Variants in RARB observed in about 807,000 individuals in gnomAD.
The protein encoded by RARB is HBV-activated protein.
A neutral mutation model predicts 51.9 loss-of-function variants in RARB; 17 were observed. That is an observed-to-expected ratio of 0.33 (90% CI 0.22 to 0.49). The LOEUF (loss-of-function observed/expected upper bound fraction) is 0.49, where lower values mean the gene tolerates loss of function less well. Among genes scored for constraint, RARB ranks in the 20% least tolerant of loss-of-function variants. The pLI, the probability that RARB is intolerant of heterozygous loss-of-function variation, is 0.99. For missense variants in RARB, 369 were observed against 550.8 expected (o/e 0.67, Z 3.30); for synonymous variants, 215 against 195.4 (o/e 1.10, Z -0.84).
chr3:25,528,681 G>A (rs961254792), intron 3 of RARB, among the ~76,000 whole-genome samples: 3 of 151,940 alleles, frequency 2.0e-5, no homozygotes, highest in African/African-American at 7.3e-5. Context: ...TCCTCTCAAG[G>A]GGCTTCCATG....
intron 5 of RARB, among the ~76,000 whole-genome samples, chr3:25,277,538 G>C (rs1252846995): frequency 1.3e-5 from 2 of 152,200 alleles, no homozygotes; most frequent in African/African-American, 2.4e-5. Context: ...CATGGGCCTA[G>C]AGTAAAATGA....
intron 1 of RARB, among the ~76,000 whole-genome samples, chr3:25,446,635 C>G (rs148327241): frequency 4.0e-5 from 6 of 151,770 alleles, no homozygotes; most frequent in Non-Finnish European, 2.9e-5. Context: ...AACCCCATCT[C>G]TACTAAAAAT....
intron 3 of RARB, among the ~76,000 whole-genome samples, chr3:25,118,586 T>C (rs1033400635): frequency 4.9e-4 from 75 of 152,196 alleles, no homozygotes; most frequent in African/African-American, 1.8e-3. Flanking sequence ...TTTAAGGTTA[T>C]ATTCCTTGAG....
intron 2 of RARB, among the ~76,000 whole-genome samples, chr3:25,463,208 A>T (rs1695271183): frequency 6.6e-6 from 1 of 152,112 alleles, no homozygotes; most frequent in Admixed American, 6.5e-5. Flanking sequence ...CTTCAAAGTA[A>T]TAAGTGATAT....
chr3:25,258,365 G>C (rs1457973770), intron 5 of RARB, among the ~76,000 whole-genome samples: 1 of 152,164 alleles, frequency 6.6e-6, no homozygotes, highest in African/African-American at 2.4e-5. Context: ...TTGTTTTATG[G>C]TCGCAATTGA....
chr3:25,367,866 T>C (rs1706175179), intron 5 of RARB, among the ~76,000 whole-genome samples: 1 of 147,702 alleles, frequency 6.8e-6, no homozygotes. Flanking sequence ...TTCAATTTCA[T>C]AGGAGAATTT....
chr3:25,518,505 T>C (rs866009876), intron 3 of RARB, among the ~76,000 whole-genome samples: 143 of 151,344 alleles, frequency 9.4e-4, no homozygotes, highest in African/African-American at 3.3e-3. Context: ...TAGTTAGTTA[T>C]TCAATCTCAT....
chr3:25,578,894 C>T (rs546476090), intron 4 of RARB, among the ~76,000 whole-genome samples: 71 of 152,238 alleles, frequency 4.7e-4, no homozygotes, highest in Non-Finnish European at 8.8e-4. Flanking sequence ...AAACACAGTA[C>T]CTCTCCTGAG....
Position 24,863,678 on chromosome 3 carries a change from C to T in RARB, c.-380+4926C>T, listed in dbSNP as rs187388039. On this transcript the variant is annotated intron_variant, in intron 2 of 11. Transcript: ENST00000383772. ...ACTAATTTTCACTGACTAGGGGAGG[C>T]GGAAATTTTCTATGAAGCAACAAGT... 8.7e-4 allele frequency among the ~76,000 whole-genome samples: 131 copies of T among 150,384 alleles called. 2 individuals are homozygous for T. The highest frequency in any genetic ancestry group is 1.2e-3 in the Non-Finnish European group (83 of 67,728).
chr3:25,113,590 TGCATTG>T lies in RARB; in HGVS notation c.-327-18568_-327-18563del, dbSNP rs147728089. ...AGTAATTGAGCTGTCAATTATCCAA[TGCATTG>T]GCTTCATCAAATCCTGATAATCACC... is the stretch of plus-strand genomic sequence containing the variant. On this transcript the variant is annotated intron_variant, in intron 3 of 11. Coordinates refer to the RARB transcript ENST00000383772. Among the ~76,000 whole-genome samples the T allele has an allele frequency of 2.2e-4, 33 of 152,282 alleles. No homozygotes were observed. In the East Asian group the frequency reaches 6.0e-3, roughly 28 times the overall value.
intron 4 of RARB, among the ~76,000 whole-genome samples, chr3:25,173,608 T>G (rs895742093): frequency 3.3e-5 from 5 of 152,322 alleles, no homozygotes; most frequent in African/African-American, 7.2e-5. Flanking sequence ...AAGTAAAATT[T>G]GGAAGCATAT....
chr3:24,834,879 C>G (rs1702323404), intron 1 of RARB, among the ~76,000 whole-genome samples: 1 of 152,158 alleles, frequency 6.6e-6, no homozygotes, highest in South Asian at 2.1e-4. Flanking sequence ...GAACCAGTCT[C>G]ATAGTAACTT....
chr3:24,846,870 G>GAAAA (rs72344692), intron 1 of RARB, among the ~76,000 whole-genome samples: 16 of 130,916 alleles, frequency 1.2e-4, no homozygotes, highest in African/African-American at 3.3e-4. Flanking sequence ...GCCAAAATTG[G>GAAAA]AAAAAAAAAA....
At chr3:25,005,061 A>G (rs192590562) in intron 2 of RARB, among the ~76,000 whole-genome samples, 1 of 152,234 alleles carries the variant, frequency 6.6e-6, no homozygotes, top group Admixed American at 6.5e-5. Context: ...TGGTAAAGCT[A>G]GTGTTTCTAG....
intron 2 of RARB, among the ~76,000 whole-genome samples, chr3:24,952,453 C>T (rs527837360): frequency 1.3e-4 from 20 of 152,208 alleles, no homozygotes; most frequent in Middle Eastern, 6.8e-3. Context: ...ATGTATTCTA[C>T]TCTCTGCTAA....
intron 3 of RARB, among the ~76,000 whole-genome samples, chr3:25,081,597 A>ATATATATATG (rs1553631068): frequency 6.1e-5 from 1 of 16,336 alleles, no homozygotes; most frequent in African/African-American, 2.9e-4. Context: ...ATATATATAT[A>ATATATATATG]TATATATATA....
At chr3:24,918,910 A>G (rs1695161578) in intron 2 of RARB, among the ~76,000 whole-genome samples, 1 of 152,094 alleles carries the variant, frequency 6.6e-6, no homozygotes, top group Non-Finnish European at 1.5e-5. Flanking sequence ...ATTAAATTAA[A>G]TAAATAAAAA....
chr3:25,110,804 CAAATT>C (rs1240991182), intron 3 of RARB, among the ~76,000 whole-genome samples: 4 of 152,124 alleles, frequency 2.6e-5, no homozygotes, highest in Non-Finnish European at 4.4e-5. Flanking sequence ...TTACCCCACT[CAAATT>C]GAATAATGTT....
rs995094222 is a variant in RARB at position 25,389,092 on chromosome 3, T to G, written c.179-72101T>G. Among the ~76,000 whole-genome samples the G allele has an allele frequency of 2.0e-5, 3 of 152,198 alleles. No homozygotes were observed. The South Asian group carries it at 6.2e-4, about 32-fold the overall frequency. On this transcript the variant is annotated intron_variant, in intron 5 of 11. Coordinates refer to the RARB transcript ENST00000383772. The stretch of plus-strand genomic sequence containing the variant: ...AGCTCAGAGAGCAGCATGCCACATT[T>G]AAGTTGGCTAAAGGATATATTTCCA...
Sources: gnomAD v4.1 joint callset for allele counts (sites outside exome capture counted in the v4.1 genomes callset) on GRCh38, gnomAD v4.1.1 for gene constraint, MANE v1.5 for transcripts, NCBI Gene and HGNC (gene_info 2026-07-23, HGNC 2026-07-21) for gene names.